The following FSTL4 variants were observed in gnomAD, a reference collection of about 807,000 sequenced individuals.
FSTL4 encodes the protein follistatin like 4.
Under a neutral mutation model 78.2 loss-of-function variants are expected in FSTL4, and 28 were observed. The observed-to-expected ratio is 0.36, with a 90% CI of 0.27 to 0.49. The LOEUF (loss-of-function observed/expected upper bound fraction) is 0.49, where lower values mean the gene tolerates loss of function less well. FSTL4 is among the 20% of genes least tolerant of loss of function. The pLI is 0.98. For synonymous variants in FSTL4, 422 were observed against 440.5 expected (o/e 0.96, Z 0.53); for missense variants, 922 against 1,084.9 (o/e 0.85, Z 2.11).
At chr5:133,573,573 A>G (rs1760207514) in intron 2 of FSTL4, among the ~76,000 whole-genome samples, 1 of 152,240 alleles carries the variant, frequency 6.6e-6, no homozygotes, top group African/African-American at 2.4e-5. Flanking sequence ...AATATATGCA[A>G]AGCCAGAACT....
intron 7 of FSTL4, among the ~76,000 whole-genome samples, chr5:133,240,436 GGCAGCT>G (rs1751819072): frequency 6.6e-6 from 1 of 152,174 alleles, no homozygotes; most frequent in Non-Finnish European, 1.5e-5. Flanking sequence ...GGCTGTTGTG[GGCAGCT>G]GCATTCAGTG....
intron 4 of FSTL4, among the ~76,000 whole-genome samples, chr5:133,334,321 C>T (rs1754417544): frequency 1.3e-5 from 2 of 152,186 alleles, no homozygotes; most frequent in African/African-American, 4.8e-5. Context: ...TACCTCATGG[C>T]CTCTGCTCTC....
At chr5:133,718,026 G>T in the FSTL4 span, among the ~76,000 whole-genome samples, 6 of 152,152 alleles carry the variant, frequency 3.9e-5, 1 homozygote, top group South Asian at 8.3e-4. Flanking sequence ...TCACCAACAA[G>T]GTATGAGAAT....
the FSTL4 span, among the ~76,000 whole-genome samples, chr5:133,734,216 A>G: frequency 6.6e-6 from 1 of 152,206 alleles, no homozygotes. Context: ...TAGCAAGCAA[A>G]TGTAACATAG....
chr5:133,215,974 T>C (rs1232593776), intron 13 of FSTL4, among the ~76,000 whole-genome samples: 5 of 152,216 alleles, frequency 3.3e-5, no homozygotes, highest in Non-Finnish European at 7.3e-5. Flanking sequence ...AAATCCTTAA[T>C]TGAAACACAT....
At chr5:133,624,995 T>A in the FSTL4 span, among the ~76,000 whole-genome samples, 4 of 151,902 alleles carry the variant, frequency 2.6e-5, no homozygotes, top group East Asian at 7.7e-4. Context: ...TGGTATATAA[T>A]TCTTTTTATA....
At chr5:133,340,892 G>T (rs938493665) in intron 4 of FSTL4, among the ~76,000 whole-genome samples, 1 of 152,070 alleles carries the variant, frequency 6.6e-6, no homozygotes, top group Non-Finnish European at 1.5e-5. Flanking sequence ...AAATGAGCAG[G>T]CTGCCCCCGA....
At chr5:133,676,183 A>G in the FSTL4 span, among the ~76,000 whole-genome samples, 1 of 152,264 alleles carries the variant, frequency 6.6e-6, no homozygotes, top group African/African-American at 2.4e-5. Context: ...TTGTTTTCTA[A>G]GAAATATCTT....
intron 11 of FSTL4, among the ~76,000 whole-genome samples, chr5:133,221,201 T>C (rs1367330740): frequency 6.6e-6 from 1 of 152,208 alleles, no homozygotes; most frequent in Non-Finnish European, 1.5e-5. Flanking sequence ...CCTCCCTTGA[T>C]TGTTTATAAT....
At chr5:133,233,177 C>G (rs111981107) in intron 8 of FSTL4, among the ~76,000 whole-genome samples, 15 of 152,372 alleles carry the variant, frequency 9.8e-5, no homozygotes, top group African/African-American at 2.9e-4. Flanking sequence ...GCCTGAATGG[C>G]TCACGCCATG....
the FSTL4 span, among the ~76,000 whole-genome samples, chr5:133,797,338 A>G: frequency 6.6e-6 from 1 of 152,238 alleles, no homozygotes; most frequent in Non-Finnish European, 1.5e-5. Flanking sequence ...TCTGTCTAAA[A>G]TTTGGAGTCA....
chr5:133,837,339 C>T, the FSTL4 span, among the ~76,000 whole-genome samples: 1 of 152,158 alleles, frequency 6.6e-6, no homozygotes, highest in Admixed American at 6.5e-5. Context: ...ATATTAACCA[C>T]AGTCATTTTA....
chr5:133,786,540 G>A, the FSTL4 span, among the ~76,000 whole-genome samples: 1 of 152,150 alleles, frequency 6.6e-6, no homozygotes, highest in East Asian at 1.9e-4. Flanking sequence ...TTAGGTGAAG[G>A]CAGGACTGTT....
chr5:133,792,351 T>C, the FSTL4 span, among the ~76,000 whole-genome samples: 2 of 152,208 alleles, frequency 1.3e-5, no homozygotes, highest in African/African-American at 4.8e-5. Context: ...CTCCACTGGT[T>C]TTTATCCTTG....
the FSTL4 span, among the ~76,000 whole-genome samples, chr5:133,668,323 A>G: frequency 6.6e-6 from 1 of 152,206 alleles, no homozygotes; most frequent in Non-Finnish European, 1.5e-5. Flanking sequence ...AGAAAGTCAC[A>G]TGGAACCAGG....
the FSTL4 span, among the ~76,000 whole-genome samples, chr5:133,765,194 G>A: frequency 8.5e-5 from 13 of 152,178 alleles, no homozygotes; most frequent in Non-Finnish European, 1.8e-4. Context: ...CTGTAGAATG[G>A]GTAACTATAA....
At chr5:133,594,629 C>A (rs1332061312) in intron 2 of FSTL4, among the ~76,000 whole-genome samples, 1 of 152,190 alleles carries the variant, frequency 6.6e-6, no homozygotes, top group Non-Finnish European at 1.5e-5. Flanking sequence ...GCCTGGCAGG[C>A]CTCTCCCGTT....
chr5:133,763,118 A>G, the FSTL4 span, among the ~76,000 whole-genome samples: 13 of 152,178 alleles, frequency 8.5e-5, no homozygotes, highest in Non-Finnish European at 1.5e-5. Flanking sequence ...AGAACCACTC[A>G]TCTCCTCTCC....
intron 6 of FSTL4, among the ~76,000 whole-genome samples, chr5:133,283,264 CTG>C (rs952931759): frequency 3.6e-5 from 5 of 138,868 alleles, no homozygotes; most frequent in Admixed American, 1.5e-4. Context: ...GTGTGTGTGT[CTG>C]TGTGTGTGTG....
Sources: allele counts gnomAD v4.1 joint callset (sites outside exome capture counted in the v4.1 genomes callset), GRCh38; gene constraint gnomAD v4.1.1; transcripts MANE v1.5; gene names NCBI Gene and HGNC (gene_info 2026-07-23, HGNC 2026-07-21).